The following MTUS2 variants were observed in gnomAD, a reference collection of about 807,000 sequenced individuals.
The protein encoded by MTUS2 is microtubule-associated tumor suppressor candidate 2.
Under a neutral mutation model 114.1 loss-of-function variants are expected in MTUS2, and 40 were observed. The observed-to-expected ratio is 0.35, with a 90% confidence interval of 0.27 to 0.46. MTUS2 has a LOEUF of 0.46. Ranked by LOEUF, MTUS2 falls within the 20% of genes least tolerant of loss-of-function variation. MTUS2 has a pLI of 1.00. For missense variants in MTUS2, 1,679 were observed against 1,705.4 expected (o/e 0.98, Z 0.27); for synonymous variants, 688 against 672.0 (o/e 1.02, Z -0.37).
At chr13:29,388,867 C>T (rs34708552) in intron 8 of MTUS2, among the ~76,000 whole-genome samples, 28,858 of 151,772 alleles carry the variant, frequency 0.19, 2,929 homozygotes, top group Middle Eastern at 0.26. Context: ...CCATTCTCAA[C>T]TTTTGTGTCC....
intron 6 of MTUS2, among the ~76,000 whole-genome samples, chr13:29,298,262 T>TA (rs775493687): frequency 8.5e-4 from 129 of 152,298 alleles, no homozygotes; most frequent in Admixed American, 2.9e-3. Flanking sequence ...AGTAGTTGTA[T>TA]AAAAAATGAG....
chr13:29,228,428 C>T (rs59851018), intron 5 of MTUS2, among the ~76,000 whole-genome samples: 3,689 of 152,260 alleles, frequency 0.024, 148 homozygotes, highest in African/African-American at 0.084. Flanking sequence ...TTAAGTGTGC[C>T]TCCCATCTCA....
intron 2 of MTUS2, among the ~76,000 whole-genome samples, chr13:28,856,975 A>G (rs1876671257): frequency 6.6e-6 from 1 of 152,188 alleles, no homozygotes; most frequent in African/African-American, 2.4e-5. Flanking sequence ...CTTCGTAGCC[A>G]CTGAGTCAAA....
At chr13:29,265,917 C>T (rs1332095448) in intron 5 of MTUS2, among the ~76,000 whole-genome samples, 1 of 152,150 alleles carries the variant, frequency 6.6e-6, no homozygotes, top group African/African-American at 2.4e-5. Flanking sequence ...AAATCAGCAT[C>T]CTGTGTGTTT....
intron 2 of MTUS2, among the ~76,000 whole-genome samples, chr13:28,898,659 A>G (rs192047035): frequency 6.6e-5 from 10 of 152,242 alleles, no homozygotes; most frequent in African/African-American, 2.2e-4. Flanking sequence ...TTAGCTGACA[A>G]TTACACCAGA....
chr13:29,442,152 A>T (rs1346875325), intron 9 of MTUS2, among the ~76,000 whole-genome samples: 2 of 152,098 alleles, frequency 1.3e-5, no homozygotes, highest in African/African-American at 4.8e-5. Context: ...AGACCCTTGG[A>T]GATGGCCCCT....
At chr13:29,137,440 C>T (rs184066713) in intron 5 of MTUS2, among the ~76,000 whole-genome samples, 132 of 151,966 alleles carry the variant, frequency 8.7e-4, no homozygotes, top group Non-Finnish European at 1.0e-3. Flanking sequence ...TATATTCTCT[C>T]TACCTTTTTC....
intron 2 of MTUS2, among the ~76,000 whole-genome samples, chr13:28,905,890 C>G (rs1044204539): frequency 6.6e-6 from 1 of 151,412 alleles, no homozygotes; most frequent in African/African-American, 2.4e-5. Context: ...GTCCTGGACT[C>G]TTTTTGGTTG....
intron 2 of MTUS2, among the ~76,000 whole-genome samples, chr13:28,925,266 T>G (rs139383899): frequency 1.4e-3 from 211 of 152,318 alleles, no homozygotes; most frequent in African/African-American, 4.6e-3. Flanking sequence ...ACTTGAAACA[T>G]TGATTCTGGT....
At chr13:29,478,468 A>G (rs1195416356) in intron 9 of MTUS2, among the ~76,000 whole-genome samples, 5 of 152,212 alleles carry the variant, frequency 3.3e-5, no homozygotes, top group Non-Finnish European at 7.3e-5. Context: ...TGTGTGATTT[A>G]AAAAATAAAA....
At chr13:29,316,001 C>T (rs1899972852) in intron 6 of MTUS2, among the ~76,000 whole-genome samples, 1 of 152,148 alleles carries the variant, frequency 6.6e-6, no homozygotes, top group South Asian at 2.1e-4. Flanking sequence ...TGTCAAAGAA[C>T]TGAAAGCTGG....
In MTUS2 at chr13:28,870,679, C is replaced by T. The variant is rs558366581; in HGVS notation, c.-243+30829C>T. ...TAGTAAGTTGTTTTGAAGCCAGAGACTAACTTGGATAGTCTGGCTGGCAGT... is the reference window on the plus strand; with the variant it reads ...TAGTAAGTTGTTTTGAAGCCAGAGATTAACTTGGATAGTCTGGCTGGCAGT... On this transcript the variant is annotated intron_variant, in intron 2 of 15. Coordinates refer to ENST00000612955, the MANE Select transcript of MTUS2 (RefSeq NM_001033602.4). Among the ~76,000 whole-genome samples the T allele has an allele frequency of 3.3e-5, 5 of 152,296 alleles. No homozygotes were observed. The East Asian group carries it at 9.6e-4, about 29-fold the overall frequency.
chr13:29,356,500 A>G (rs1869753394), intron 7 of MTUS2, among the ~76,000 whole-genome samples: 2 of 152,316 alleles, frequency 1.3e-5, no homozygotes, highest in South Asian at 2.1e-4. Flanking sequence ...TCTGTCCCCA[A>G]GGTGGCAGTG....
At chr13:29,079,778 A>G (rs1488595800) in intron 4 of MTUS2, among the ~76,000 whole-genome samples, 1 of 152,154 alleles carries the variant, frequency 6.6e-6, no homozygotes, top group Non-Finnish European at 1.5e-5. Context: ...CTAGTACCAC[A>G]CTGTCTTGAT....
chr13:29,405,212 T>C (rs557495085), intron 8 of MTUS2, among the ~76,000 whole-genome samples: 10 of 152,334 alleles, frequency 6.6e-5, no homozygotes, highest in Non-Finnish European at 1.2e-4. Flanking sequence ...AATTTGCGAC[T>C]AATGAATTTC....
chr13:29,019,916 C>A (rs2138455555), intron 2 of MTUS2, among the ~76,000 whole-genome samples: 1 of 152,308 alleles, frequency 6.6e-6, no homozygotes, highest in South Asian at 2.1e-4. Context: ...AATCTGAGTT[C>A]TTTGACAAGG....
intron 2 of MTUS2, among the ~76,000 whole-genome samples, chr13:28,967,457 A>G (rs1883648924): frequency 6.6e-6 from 1 of 152,204 alleles, no homozygotes; most frequent in Non-Finnish European, 1.5e-5. Context: ...GAAGAAATAA[A>G]AAAGCTCTGG....
chr13:29,135,237 G>A (rs1477018363), intron 5 of MTUS2, among the ~76,000 whole-genome samples: 1 of 152,016 alleles, frequency 6.6e-6, no homozygotes, highest in African/African-American at 2.4e-5. Flanking sequence ...GCATTCACTG[G>A]GAATATAGGA....
chr13:29,338,384 G>C (rs7327069), intron 7 of MTUS2, among the ~76,000 whole-genome samples: 41,102 of 151,742 alleles, frequency 0.27, 6,191 homozygotes, highest in African/African-American at 0.41. Flanking sequence ...CTCAGGAATT[G>C]AAGACCAGCC....
Sources: gnomAD v4.1 joint callset for allele counts (sites outside exome capture counted in the v4.1 genomes callset) on GRCh38, gnomAD v4.1.1 for gene constraint, MANE v1.5 for transcripts, NCBI Gene and HGNC (gene_info 2026-07-23, HGNC 2026-07-21) for gene names.